RAP1A: variants seen among roughly 807,000 people sequenced by gnomAD.
RAP1A encodes the protein RAP1A, member of RAS oncogene family, also known as ras-related protein Rap-1A.
RAP1A carries 6 observed loss-of-function variants against 26.4 expected under a neutral mutation model. The ratio of observed to expected loss-of-function variants is 0.23; its 90% CI spans 0.12 to 0.45. The LOEUF is 0.45. RAP1A is among the 20% of genes least tolerant of loss of function. The pLI, the probability that RAP1A is intolerant of heterozygous loss-of-function variation, is 0.99. For missense variants in RAP1A, 121 were observed against 217.2 expected (o/e 0.56, Z 2.78); for synonymous variants, 73 against 79.4 (o/e 0.92, Z 0.43).
chr1:111,595,856 T>C (rs1658555566), intron 1 of RAP1A, among the ~76,000 whole-genome samples: 1 of 152,262 alleles, frequency 6.6e-6, no homozygotes, highest in Non-Finnish European at 1.5e-5. Context: ...TTCCCGAGCA[T>C]AGTAAAGGAG....
At chr1:111,679,850 C>G (rs946799128) in intron 1 of RAP1A, among the ~76,000 whole-genome samples, 1 of 152,226 alleles carries the variant, frequency 6.6e-6, no homozygotes, top group Non-Finnish European at 1.5e-5. Flanking sequence ...GATTATTCCT[C>G]TCTGGGCAGG....
intron 1 of RAP1A, among the ~76,000 whole-genome samples, chr1:111,567,150 C>A (rs17028005): frequency 0.032 from 4,809 of 152,010 alleles, 265 homozygotes; most frequent in African/African-American, 0.11. Flanking sequence ...CCATTTAAAG[C>A]AGGAGATAGA....
intron 1 of RAP1A, among the ~76,000 whole-genome samples, chr1:111,577,810 A>T (rs1255659663): frequency 6.6e-6 from 1 of 152,208 alleles, no homozygotes; most frequent in Admixed American, 6.5e-5. Context: ...TCTTCCCATG[A>T]AGTAATGTCA....
chr1:111,679,052 C>T (rs1661213054), intron 1 of RAP1A, among the ~76,000 whole-genome samples: 1 of 152,092 alleles, frequency 6.6e-6, no homozygotes, highest in Non-Finnish European at 1.5e-5. Context: ...CCTCAGAACC[C>T]AGATAAATGA....
intron 1 of RAP1A, among the ~76,000 whole-genome samples, chr1:111,558,086 G>A (rs1237282073): frequency 2.0e-5 from 3 of 152,090 alleles, no homozygotes; most frequent in Non-Finnish European, 4.4e-5. Flanking sequence ...GAAATAGAAA[G>A]TGCACATTTA....
chr1:111,644,119 C>T (rs1030755189), intron 1 of RAP1A, among the ~76,000 whole-genome samples: 2 of 152,224 alleles, frequency 1.3e-5, no homozygotes, highest in Non-Finnish European at 2.9e-5. Flanking sequence ...ACACTTCCAT[C>T]TGTTTGAATA....
chr1:111,645,408 G>A (rs368264663), intron 1 of RAP1A, among the ~76,000 whole-genome samples: 1 of 152,184 alleles, frequency 6.6e-6, no homozygotes, highest in Non-Finnish European at 1.5e-5. Flanking sequence ...TAAAAGGATT[G>A]ATGTGCAGTA....
chr1:111,551,351 G>C (rs1455794422), intron 1 of RAP1A, among the ~76,000 whole-genome samples: 1 of 152,080 alleles, frequency 6.6e-6, no homozygotes, highest in East Asian at 1.9e-4. Flanking sequence ...GTGTTAAATA[G>C]ACACTTTTCT....
chr1:111,680,502 T>C (rs542093598), intron 1 of RAP1A: 1 of 152,322 alleles, frequency 6.6e-6, no homozygotes, highest in South Asian at 2.1e-4. Context: ...GATTGGTGTG[T>C]TTTTACAGAG....
At chr1:111,669,871 A>T (rs1173942738) in intron 1 of RAP1A, among the ~76,000 whole-genome samples, 2 of 152,236 alleles carry the variant, frequency 1.3e-5, no homozygotes, top group Admixed American at 1.3e-4. Flanking sequence ...AGATGATCAG[A>T]GATGTCAAAA....
Position 111,659,809 on chromosome 1 carries a change from A to G in RAP1A, c.-27-31525A>G, listed in dbSNP as rs369254384. Among the ~76,000 whole-genome samples, 68 of 152,216 alleles carry G rather than the reference A, an allele frequency of 4.5e-4. No homozygotes were observed. In the South Asian group the frequency reaches 0.013, roughly 29 times the overall value. ...CTAGTTGCCCTTGAATTTGCAGTATACATTTACAACTAAGCCAAGCCCACT... is the reference window on the plus strand; with the variant it reads ...CTAGTTGCCCTTGAATTTGCAGTATGCATTTACAACTAAGCCAAGCCCACT... On this transcript the variant is annotated intron_variant, in intron 1 of 7. Coordinates refer to ENST00000369709, the MANE Select transcript of RAP1A (RefSeq NM_002884.4).
intron 1 of RAP1A, among the ~76,000 whole-genome samples, chr1:111,582,606 G>A (rs770200878): frequency 6.6e-5 from 10 of 152,132 alleles, no homozygotes; most frequent in Non-Finnish European, 1.0e-4. Context: ...TTTAAGCTCC[G>A]GTTAAGCAGC....
rs557707560 is a variant in RAP1A at position 111,644,180 on chromosome 1, G to A, written c.-28+24246G>A. Reference sequence around the variant, plus strand: ...TGACATGTCCAACTAACCGTTACATGGTTCAATATATATTTGTCCAATAAA... The same window carrying A: ...TGACATGTCCAACTAACCGTTACATAGTTCAATATATATTTGTCCAATAAA... On this transcript the variant is annotated intron_variant, in intron 1 of 7. Transcript: ENST00000369709. Among the ~76,000 whole-genome samples the A allele has an allele frequency of 3.0e-4, 45 of 151,422 alleles. 2 individuals are homozygous for A. In the South Asian group the frequency reaches 8.8e-3, roughly 30 times the overall value.
At chr1:111,655,254 A>G (rs1660412388) in intron 1 of RAP1A, among the ~76,000 whole-genome samples, 1 of 106,676 alleles carries the variant, frequency 9.4e-6, no homozygotes, top group South Asian at 3.4e-4. Context: ...AAAAAAAAAC[A>G]ATGCAATAAA....
intron 1 of RAP1A, among the ~76,000 whole-genome samples, chr1:111,651,901 C>T (rs979776893): frequency 5.9e-5 from 9 of 151,790 alleles, no homozygotes; most frequent in African/African-American, 1.7e-4. Context: ...CGTGAGAGAC[C>T]GTGCCCGGCT....
At chr1:111,546,849 T>C (rs1657051649) in intron 1 of RAP1A, among the ~76,000 whole-genome samples, 1 of 152,212 alleles carries the variant, frequency 6.6e-6, no homozygotes, top group Non-Finnish European at 1.5e-5. Flanking sequence ...ATTGTCATAT[T>C]GGTTTTCACA....
chr1:111,557,680 A>T (rs914059964), intron 1 of RAP1A, among the ~76,000 whole-genome samples: 17 of 152,330 alleles, frequency 1.1e-4, no homozygotes, highest in African/African-American at 3.6e-4. Flanking sequence ...ATCAGAAAAA[A>T]GGTTTGAGAT....
chr1:111,570,753 C>G (rs1187429514), intron 1 of RAP1A, among the ~76,000 whole-genome samples: 1 of 152,112 alleles, frequency 6.6e-6, no homozygotes, highest in Non-Finnish European at 1.5e-5. Context: ...TGAGGGACAT[C>G]TGGCTTTATA....
At chr1:111,614,095 A>G (rs1347964771) in intron 1 of RAP1A, among the ~76,000 whole-genome samples, 2 of 152,302 alleles carry the variant, frequency 1.3e-5, no homozygotes, top group East Asian at 1.9e-4. Context: ...AATTCAACCA[A>G]TGTCTTAATA....
Sources: gnomAD v4.1 joint callset for allele counts (sites outside exome capture counted in the v4.1 genomes callset) on GRCh38, gnomAD v4.1.1 for gene constraint, MANE v1.5 for transcripts, NCBI Gene and HGNC (gene_info 2026-07-23, HGNC 2026-07-21) for gene names.